Variants in PIN4 observed in about 807,000 individuals in gnomAD.
PIN4 encodes peptidylprolyl cis/trans isomerase, NIMA-interacting 4.
Under a neutral mutation model 8.3 loss-of-function variants are expected in PIN4, and 3 were observed. That is an observed-to-expected ratio of 0.36 (90% CI 0.16 to 0.93). The LOEUF (loss-of-function observed/expected upper bound fraction) is 0.93. Among genes scored for constraint, PIN4 ranks in the 40% least tolerant of loss-of-function variants. PIN4 has a pLI of 0.44. For synonymous variants in PIN4, 18 were observed against 32.5 expected, an observed-to-expected ratio of 0.55 and a Z score of 1.52; for missense variants, 75 against 100.6, an observed-to-expected ratio of 0.75 and a Z score of 1.09.
chrX:72,262,864 A>G (rs755728711), exon 4 of PIN4: 2 of 621,149 alleles, frequency 3.2e-6, no homozygotes, highest in Non-Finnish European at 5.0e-6. Context: ...CAATTTCAGA[A>G]GGTGACATTT....
intron 3 of PIN4, among the ~76,000 whole-genome samples, chrX:72,259,605 T>C (rs1415008843): frequency 9.0e-6 from 1 of 110,585 alleles, no homozygotes; most frequent in African/African-American, 3.3e-5. Flanking sequence ...ACAATTATTA[T>C]CCCCTTTTAC....
chrX:72,223,374 A>G (rs1256094509), intron 3 of PIN4, among the ~76,000 whole-genome samples: 1 of 104,781 alleles, frequency 9.5e-6, no homozygotes, highest in Non-Finnish European at 2.0e-5. Flanking sequence ...AAGGTCCCCA[A>G]ACATCTCAGC....
chrX:72,223,213 G>A lies in PIN4; in HGVS notation c.312+26309G>A, dbSNP rs775759149. 6.0e-3 allele frequency among the ~76,000 whole-genome samples: 609 copies of A among 100,955 alleles called. 4 individuals are homozygous for A. The highest frequency in any genetic ancestry group is 0.02 in the African/African-American group (558 of 27,953). 87.7% of individuals were successfully genotyped at this position (100,955 alleles called of 115,157 possible). A position where few individuals can be genotyped will look rare whatever the true frequency, so the allele number is the denominator to read the frequency against. On this transcript the variant is annotated intron_variant, in intron 3 of 3. Coordinates refer to the PIN4 transcript ENST00000423432. ...AAATTAGCCGGGCATGGTGGCAGGC[G>A]CCTGTAATCCCAGCTACTTGGGAGG...
At chrX:72,245,943 C>G (rs1180936503) in intron 3 of PIN4, among the ~76,000 whole-genome samples, 1 of 111,728 alleles carries the variant, frequency 9.0e-6, no homozygotes. Flanking sequence ...ACAAGGCAGT[C>G]CCACTGCACA....
intron 3 of PIN4, among the ~76,000 whole-genome samples, chrX:72,226,133 T>G (rs1257228136): frequency 8.9e-6 from 1 of 111,781 alleles, no homozygotes; most frequent in Non-Finnish European, 1.9e-5. Context: ...GCTCCCCCCT[T>G]AATCCTGCCA....
At chrX:72,212,620 G>GAAC (rs749595897) in intron 3 of PIN4, among the ~76,000 whole-genome samples, 35 of 112,175 alleles carry the variant, frequency 3.1e-4, no homozygotes, top group African/African-American at 1.1e-3. Context: ...GGGCCCTTTA[G>GAAC]AACATTCCCT....
intron 3 of PIN4, chrX:72,255,943 A>C (rs754489938): frequency 1.8e-5 from 2 of 111,825 alleles, no homozygotes; most frequent in East Asian, 5.7e-4. Context: ...GATCATATGA[A>C]GGCATTTCAT....
intron 3 of PIN4, among the ~76,000 whole-genome samples, chrX:72,245,533 G>C (rs1317745248): frequency 9.0e-6 from 1 of 111,320 alleles, no homozygotes; most frequent in Non-Finnish European, 1.9e-5. Flanking sequence ...TTCTAGCTAG[G>C]GTTCTTATAA....
chrX:72,236,313 T>G (rs1347261539), intron 3 of PIN4, among the ~76,000 whole-genome samples: 2 of 111,126 alleles, frequency 1.8e-5, no homozygotes, highest in Non-Finnish European at 3.8e-5. Flanking sequence ...TTTCTTTTTT[T>G]TCTGAGACGG....
At chrX:72,185,504 C>T (rs1315690644) in intron 1 of PIN4, among the ~76,000 whole-genome samples, 1 of 112,167 alleles carries the variant, frequency 8.9e-6, no homozygotes, top group Non-Finnish European at 1.9e-5. Context: ...CCGTCTTCCT[C>T]ACTAGAATAT....
intron 2 of PIN4, among the ~76,000 whole-genome samples, chrX:72,193,849 G>A (rs759840064): frequency 1.9e-5 from 2 of 103,777 alleles, no homozygotes; most frequent in Admixed American, 1.0e-4. Flanking sequence ...CTCCGACTTG[G>A]ATGACAGAAT....
intron 3 of PIN4, among the ~76,000 whole-genome samples, chrX:72,232,956 T>C (rs2042994160): frequency 1.8e-5 from 2 of 110,419 alleles, no homozygotes; most frequent in Admixed American, 9.7e-5. Flanking sequence ...AAAAACTGAT[T>C]TGAGCAATAA....
chrX:72,261,955 CCT>C (rs1429291196), intron 3 of PIN4, among the ~76,000 whole-genome samples: 1 of 110,303 alleles, frequency 9.1e-6, no homozygotes, highest in Non-Finnish European at 1.9e-5. Context: ...CTCTCCCCAT[CCT>C]CTGAGTCCTC....
At chrX:72,229,072 C>A (rs1466560380) in intron 3 of PIN4, among the ~76,000 whole-genome samples, 1 of 111,359 alleles carries the variant, frequency 9.0e-6, no homozygotes, top group Middle Eastern at 4.2e-3. Flanking sequence ...TTATTTCAAA[C>A]CTATTACAAC....
At position 72,243,013 on chromosome X, in the gene PIN4, AAAAAG is replaced by A. The variant is rs200341699; in HGVS notation, c.313-19678_313-19674del. 6.0e-3 allele frequency among the ~76,000 whole-genome samples: 653 copies of A among 109,230 alleles called. 11 individuals carry two copies. Among genetic ancestry groups the A allele is most frequent in the African/African-American group, 0.021 (614 of 29,874 alleles). The allele number at this position is 109,230 out of a possible 115,157, so 94.9% of individuals were successfully genotyped here. A position where few individuals can be genotyped will look rare whatever the true frequency, so the allele number is the denominator to read the frequency against. ...GGGCGACAGAGGGTGACTCCATCTC[AAAAAG>A]AAAAGAAAAGAAAAGGAAAAAGCTC... On this transcript the variant is annotated intron_variant, in intron 3 of 3. Coordinates refer to the PIN4 transcript ENST00000423432.
At chrX:72,182,430 G>C (rs186876364) in intron 1 of PIN4, among the ~76,000 whole-genome samples, 20 of 110,432 alleles carry the variant, frequency 1.8e-4, no homozygotes, top group African/African-American at 5.6e-4. Flanking sequence ...CGTAATCCCA[G>C]CTACTCGGGA....
chrX:72,254,814 C>T (rs1404049727), intron 3 of PIN4, among the ~76,000 whole-genome samples: 1 of 112,604 alleles, frequency 8.9e-6, no homozygotes, highest in Non-Finnish European at 1.9e-5. Flanking sequence ...ATATTCTCTG[C>T]TTCAAATTTC....
intron 3 of PIN4, among the ~76,000 whole-genome samples, chrX:72,232,272 T>C (rs1248073959): frequency 1.5e-5 from 1 of 65,155 alleles, no homozygotes; most frequent in East Asian, 6.3e-4. Flanking sequence ...GGAAGGAGTA[T>C]TAAAAAAAAA....
At chrX:72,210,811 A>C (rs1305501530) in intron 3 of PIN4, among the ~76,000 whole-genome samples, 1 of 111,793 alleles carries the variant, frequency 8.9e-6, no homozygotes, top group African/African-American at 3.3e-5. Context: ...CTTGGATATC[A>C]CTGCTTTCTG....
Sources: gnomAD v4.1 joint callset for allele counts (sites outside exome capture counted in the v4.1 genomes callset) on GRCh38, gnomAD v4.1.1 for gene constraint, MANE v1.5 for transcripts, NCBI Gene and HGNC (gene_info 2026-07-23, HGNC 2026-07-21) for gene names.